The following GLIS3 variants were observed in gnomAD, a reference collection of about 807,000 sequenced individuals.
GLIS3 encodes the protein zinc finger protein GLIS3.
A neutral mutation model predicts 78.6 loss-of-function variants in GLIS3; 53 were observed. The observed-to-expected ratio is 0.67, with a 90% CI of 0.54 to 0.85. The LOEUF (loss-of-function observed/expected upper bound fraction) is 0.85, where lower values mean the gene tolerates loss of function less well. GLIS3 is among the 40% of genes least tolerant of loss of function. GLIS3 has a pLI of 0.00. For synonymous variants in GLIS3, 684 were observed against 509.9 expected, an observed-to-expected ratio of 1.34 and a Z score of -4.60; for missense variants, 1,703 against 1,231.1, an observed-to-expected ratio of 1.38 and a Z score of -5.74.
intron 4 of GLIS3, among the ~76,000 whole-genome samples, chr9:4,116,970 T>G (rs1176442970): frequency 6.6e-6 from 1 of 152,226 alleles, no homozygotes; most frequent in Non-Finnish European, 1.5e-5. Context: ...GTGAAATTGT[T>G]GTGAAACCAT....
the GLIS3 span, among the ~76,000 whole-genome samples, chr9:4,481,515 AGT>A: frequency 0.056 from 8,302 of 147,320 alleles, 668 homozygotes; most frequent in African/African-American, 0.18. Flanking sequence ...TAAAAACATA[AGT>A]GTGTGTGTGT....
At chr9:3,922,506 A>G (rs546826137) in intron 6 of GLIS3, among the ~76,000 whole-genome samples, 1 of 152,312 alleles carries the variant, frequency 6.6e-6, no homozygotes, top group African/African-American at 2.4e-5. Flanking sequence ...AAAAAGAAGA[A>G]TGGACTCTGA....
chr9:4,100,141 T>C (rs1007477330), intron 4 of GLIS3, among the ~76,000 whole-genome samples: 1 of 152,236 alleles, frequency 6.6e-6, no homozygotes, highest in Non-Finnish European at 1.5e-5. Flanking sequence ...TTTCTTTCTG[T>C]TATATATCGG....
At chr9:3,885,725 G>C (rs1822032351) in intron 7 of GLIS3, among the ~76,000 whole-genome samples, 1 of 152,160 alleles carries the variant, frequency 6.6e-6, no homozygotes, top group Non-Finnish European at 1.5e-5. Flanking sequence ...TCTCTCCCTG[G>C]AGAATTTTAG....
At chr9:4,363,934 G>A in the GLIS3 span, among the ~76,000 whole-genome samples, 2 of 152,116 alleles carry the variant, frequency 1.3e-5, no homozygotes, top group Non-Finnish European at 2.9e-5. Flanking sequence ...AAGCAGGGTG[G>A]GACTCCTAGT....
intron 8 of GLIS3, among the ~76,000 whole-genome samples, chr9:3,861,950 A>C (rs1467244389): frequency 1.3e-5 from 2 of 152,152 alleles, no homozygotes; most frequent in African/African-American, 2.4e-5. Context: ...CTTAACTTAA[A>C]TTAAATTTAA....
At chr9:4,199,727 C>G (rs1474265410) in intron 2 of GLIS3, among the ~76,000 whole-genome samples, 1 of 152,024 alleles carries the variant, frequency 6.6e-6, no homozygotes, top group Non-Finnish European at 1.5e-5. Context: ...TCAACACACC[C>G]ACTGACAGCA....
the GLIS3 span, among the ~76,000 whole-genome samples, chr9:4,434,329 A>G: frequency 6.6e-6 from 1 of 152,204 alleles, no homozygotes; most frequent in Admixed American, 6.5e-5. Flanking sequence ...ACAAGCATTA[A>G]CATGACAATA....
intron 5 of GLIS3, among the ~76,000 whole-genome samples, chr9:3,933,355 T>C (rs926102542): frequency 1.3e-5 from 2 of 152,192 alleles, no homozygotes; most frequent in Non-Finnish European, 2.9e-5. Context: ...TTAATTTTTG[T>C]ATCCTTCGTG....
At chr9:3,935,685 T>A (rs1234630234) in intron 5 of GLIS3, among the ~76,000 whole-genome samples, 1 of 152,244 alleles carries the variant, frequency 6.6e-6, no homozygotes, top group South Asian at 2.1e-4. Context: ...AAGACCATTT[T>A]AGGCACAACA....
chr9:4,033,788 G>C (rs1389961668), intron 4 of GLIS3, among the ~76,000 whole-genome samples: 2 of 133,962 alleles, frequency 1.5e-5, no homozygotes, highest in African/African-American at 5.6e-5. Flanking sequence ...AGCTATTTAA[G>C]ATGAACTAAA....
chr9:3,843,851 G>A (rs1444197820), intron 9 of GLIS3, among the ~76,000 whole-genome samples: 2 of 152,156 alleles, frequency 1.3e-5, no homozygotes, highest in African/African-American at 4.8e-5. Context: ...ATGAGGTTGG[G>A]TTTGGTGATG....
intron 2 of GLIS3, among the ~76,000 whole-genome samples, chr9:4,143,325 G>A (rs1384238944): frequency 6.6e-6 from 1 of 152,048 alleles, no homozygotes. Flanking sequence ...CCAGCACTTT[G>A]GGAGGCTGAG....
chr9:3,925,274 T>C (rs1181470671), intron 6 of GLIS3, among the ~76,000 whole-genome samples: 1 of 152,074 alleles, frequency 6.6e-6, no homozygotes, highest in Admixed American at 6.5e-5. Flanking sequence ...TCATAGCATT[T>C]CCCCCACTAT....
At position 4,285,932 on chromosome 9, in the gene GLIS3, C is replaced by A. The variant is rs189786317; in HGVS notation, c.388+106G>T. 141 of 1,355,972 alleles carry A rather than the reference C, an allele frequency of 1.0e-4. No homozygotes were observed. In the East Asian group the frequency reaches 2.1e-3, roughly 20 times the overall value. 84.0% of individuals were successfully genotyped at this position (1,355,972 alleles called of 1,614,324 possible). A position where few individuals can be genotyped will look rare whatever the true frequency, so the allele number is the denominator to read the frequency against. On this transcript the variant is annotated intron_variant, in intron 2 of 10. Transcript: ENST00000381971. ...CATTATGAGACCATCATCTTTGACC[C>A]TGACACTGAATCATGTATTTTTCCA...
At chr9:4,362,638 C>A in the GLIS3 span, among the ~76,000 whole-genome samples, 5 of 152,272 alleles carry the variant, frequency 3.3e-5, no homozygotes, top group African/African-American at 1.2e-4. Context: ...TTACCTTATG[C>A]GGCAATGCCT....
chr9:4,294,846 T>C (rs1376805596), intron 1 of GLIS3, among the ~76,000 whole-genome samples: 2 of 152,200 alleles, frequency 1.3e-5, no homozygotes, highest in Middle Eastern at 3.2e-3. Context: ...TTTATTCTAT[T>C]TATATTGTTC....
At chr9:4,375,125 T>A in the GLIS3 span, among the ~76,000 whole-genome samples, 2 of 152,192 alleles carry the variant, frequency 1.3e-5, no homozygotes, top group African/African-American at 4.8e-5. Context: ...CTGTTCTTAG[T>A]CATTTCCCAC....
intron 1 of GLIS3, among the ~76,000 whole-genome samples, chr9:4,292,657 G>A (rs532643848): frequency 6.6e-6 from 1 of 152,302 alleles, no homozygotes; most frequent in South Asian, 2.1e-4. Flanking sequence ...AGTATCAATT[G>A]ATCAATTGTG....
Sources: gnomAD v4.1 joint callset for allele counts (sites outside exome capture counted in the v4.1 genomes callset) on GRCh38, gnomAD v4.1.1 for gene constraint, MANE v1.5 for transcripts, NCBI Gene and HGNC (gene_info 2026-07-23, HGNC 2026-07-21) for gene names.